Variants in PEX11B observed in about 807,000 individuals in gnomAD.
PEX11B encodes peroxisomal biogenesis factor 11 beta.
In PEX11B, 18 loss-of-function variants were observed where a neutral mutation model predicts 28.2. That is an observed-to-expected ratio of 0.64 (90% CI 0.44 to 0.95). The LOEUF is 0.95. PEX11B is among the 40% of genes least tolerant of loss of function. The pLI, the probability that PEX11B is intolerant of heterozygous loss-of-function variation, is 0.00. For synonymous variants in PEX11B, 128 were observed against 128.7 expected (o/e 0.99, Z 0.04); for missense variants, 305 against 319.8 (o/e 0.95, Z 0.35).
chr1:145,918,469 C>T, intron 1 of PEX11B, 164 bp downstream of exon 1: 3 of 1,536,488 alleles, frequency 2.0e-6, no homozygotes, highest in Non-Finnish European at 2.6e-6. Context: ...GGAAAGGAAT[C>T]ATCTCAACAG....
Position 145,911,717 on chromosome 1 carries a change from A to T in PEX11B, c.*444T>A, listed in dbSNP as rs1553753068. On this transcript the variant is annotated 3_prime_UTR_variant, in exon 4 of 4. Coordinates refer to ENST00000369306, the MANE Select transcript of PEX11B (RefSeq NM_003846.3). ...TATGTTTGGAGTTTGAAGGAGGAAA[A>T]ATCTGCCATAAGCCACCTCTGTGAG... The T allele has an allele frequency of 6.5e-6, 1 of 154,946 alleles. No individual in the cohort carries two copies. Among genetic ancestry groups the T allele is most frequent in the Non-Finnish European group, 1.4e-5 (1 of 69,018 alleles). The allele number at this position is 154,946 out of a possible 1,614,324, so 9.6% of individuals were successfully genotyped here. A position where few individuals can be genotyped will look rare whatever the true frequency, so the allele number is the denominator to read the frequency against.
Position 145,915,204 on chromosome 1 carries a change from G to A in PEX11B, c.374+1613C>T, listed in dbSNP as rs141849239. Reference sequence around the variant, plus strand: ...CAGGCATGAGCCACCGCACCTGGCCGGCCTTGTTTATCTTTAACCACTGTA... The same window carrying A: ...CAGGCATGAGCCACCGCACCTGGCCAGCCTTGTTTATCTTTAACCACTGTA... On this transcript the variant is annotated intron_variant, in intron 3 of 3. Coordinates refer to ENST00000369306, the MANE Select transcript of PEX11B (RefSeq NM_003846.3). Among the ~76,000 whole-genome samples, 483 of 152,148 alleles carry A rather than the reference G, an allele frequency of 3.2e-3. 2 individuals are homozygous for A. Among genetic ancestry groups the A allele is most frequent in the South Asian group, 0.015 (70 of 4,816 alleles).
Position 145,916,901 on chromosome 1 carries a change from A to G in PEX11B, c.290T>C (p.Phe97Ser). Residue 97 changes from phenylalanine to serine, a missense_variant, in exon 3 of 4, where the codon TTC becomes TCC. By Grantham distance (155) the Phe-to-Ser change is radical. Coordinates refer to ENST00000369306, the MANE Select transcript of PEX11B (RefSeq NM_003846.3). ...TVSHLNRALY[F>S]ACDNVLWAGK... ...AGCCCACAGGACATTGTCACAGGCG[A>G]AGTACAAGGCTCGATTGAGGTGACT... The G allele has an allele frequency of 1.2e-6, 2 of 1,614,080 alleles. No homozygotes were observed. The highest frequency in any genetic ancestry group is 1.7e-6 in the Non-Finnish European group (2 of 1,179,934).
In PEX11B at chr1:145,912,417, C is replaced by T; in HGVS notation, c.524G>A (p.Gly175Glu). The T allele has an allele frequency of 6.3e-7, 1 of 1,579,564 alleles. No homozygotes were observed. The highest frequency in any genetic ancestry group is 8.6e-7 in the Non-Finnish European group (1 of 1,162,044). The change falls in exon 4 of 4, where the codon GGA (glycine) becomes GAA (glutamate). Residue 175 changes from glycine (G) to glutamate (E), a missense_variant. Gly to Glu is a moderately conservative substitution (Grantham distance 98). Coordinates refer to ENST00000369306, the MANE Select transcript of PEX11B (RefSeq NM_003846.3). ...PGGSETGGLGGPGTPGGGLPQ... is the reference protein window; with the variant it reads ...PGGSETGGLGEPGTPGGGLPQ... ...CAGACCTCCTCCTGGAGTCCCTGGT[C>T]CCCCAAGTCCCCCAGTTTCACTTCC...
chr1:145,918,404 A>G (rs1277146261), intron 1 of PEX11B: 2 of 1,535,970 alleles, frequency 1.3e-6, no homozygotes, highest in Non-Finnish European at 8.7e-7. Context: ...AGCAACCCTG[A>G]GCGGCCTCCC....
At chr1:145,916,786 A>C (rs782120859) in intron 3 of PEX11B, 31 bp downstream of exon 3, 2 of 1,547,316 alleles carry the variant, frequency 1.3e-6, no homozygotes, top group South Asian at 2.2e-5. Flanking sequence ...GGCTACAAAA[A>C]AAAATCTTAA....
chr1:145,918,342 C>A, intron 1 of PEX11B: 1 of 1,519,918 alleles, frequency 6.6e-7, no homozygotes, highest in Non-Finnish European at 8.8e-7. Flanking sequence ...GGGGCGAATG[C>A]TCCTCATTCC....
intron 2 of PEX11B, 66 bp downstream of exon 2, chr1:145,917,635 A>G: frequency 2.2e-6 from 2 of 904,826 alleles, no homozygotes; most frequent in Non-Finnish European, 3.7e-6. Context: ...GGAAGGAGGG[A>G]CAAAGGAAGG....
intron 1 of PEX11B, chr1:145,918,209 C>G (rs587742452): frequency 1.3e-4 from 132 of 985,428 alleles, no homozygotes; most frequent in Non-Finnish European, 1.5e-4. Context: ...GGCCCTCTAG[C>G]TGAATGGAGA....
At chr1:145,917,420 G>C (rs1431172262) in intron 2 of PEX11B, among the ~76,000 whole-genome samples, 3 of 152,026 alleles carry the variant, frequency 2.0e-5, no homozygotes, top group African/African-American at 7.3e-5. Context: ...GAGAGACTCT[G>C]TCTCAAAAAA....
At position 145,911,501 on chromosome 1, in the gene PEX11B, G is replaced by A. The variant is rs1570929033; in HGVS notation, c.*660C>T. 2 of 158,700 alleles carry A rather than the reference G, an allele frequency of 1.3e-5. No homozygotes were observed. The highest frequency in any genetic ancestry group is 2.8e-5 in the Non-Finnish European group (2 of 70,400). 9.8% of individuals were successfully genotyped at this position (158,700 alleles called of 1,614,324 possible). On this transcript the variant is annotated 3_prime_UTR_variant, in exon 4 of 4. Coordinates refer to ENST00000369306, the MANE Select transcript of PEX11B (RefSeq NM_003846.3). ...TTCTGGATAAGCGACAAAGGAGTAA[G>A]AACAGACTGGGGAATAAAGCTCTGA...
chr1:145,913,646 A>G (rs182327215), intron 3 of PEX11B, among the ~76,000 whole-genome samples: 2 of 149,750 alleles, frequency 1.3e-5, no homozygotes, highest in Admixed American at 6.6e-5. Context: ...CTCTCTCTCA[A>G]CTTGACCTAT....
chr1:145,916,767 C>T lies in PEX11B; in HGVS notation c.374+50G>A, dbSNP rs781849600. 28 of 1,250,284 alleles carry T rather than the reference C, an allele frequency of 2.2e-5. 1 individual carries two copies. In the African/African-American group the frequency reaches 3.8e-4, roughly 17 times the overall value. 77.4% of individuals were successfully genotyped at this position (1,250,284 alleles called of 1,614,324 possible). ...TTTCCCTCATATAAGACAAGCTATG[C>T]AATATAGAGGCTACAAAAAAAAATC... On this transcript the variant is annotated intron_variant, in intron 3 of 3. Transcript: ENST00000369306.
In PEX11B at chr1:145,916,875, C is replaced by T; in HGVS notation, c.316G>A (p.Gly106Arg). 6.2e-7 allele frequency: 1 copy of T among 1,614,106 alleles called. No homozygotes were observed. Among genetic ancestry groups the T allele is most frequent in the Non-Finnish European group, 8.5e-7 (1 of 1,179,986 alleles). ...ACACGGGGAGCCAGTCCAGACTTTC[C>T]AGCCCACAGGACATTGTCACAGGCG... ...YFACDNVLWA[G>R]KSGLAPRVDQ... is the part of the protein sequence containing the mutation. Residue 106 changes from glycine (G) to arginine (R), a missense_variant, in exon 3 of 4, where the codon GGA becomes AGA. Physicochemically the swap from Gly to Arg is moderately radical, Grantham distance 125. Transcript: ENST00000369306.
In PEX11B at chr1:145,918,277, G is replaced by A. The variant is rs1553754258; in HGVS notation, c.56+356C>T. 4 of 985,354 alleles carry A rather than the reference G, an allele frequency of 4.1e-6. No homozygotes were observed. The African/African-American group carries it at 7.0e-5, about 17-fold the overall frequency. The allele number at this position is 985,354 out of a possible 1,614,324, so 61.0% of individuals were successfully genotyped here. ...GAATGGCAGCACGGTGTGGGGACAC[G>A]GAAACTGGGAGTGCCTCCTCAGCTC... On this transcript the variant is annotated intron_variant, in intron 1 of 3. Coordinates refer to ENST00000369306, the MANE Select transcript of PEX11B (RefSeq NM_003846.3).
At chr1:145,916,682 GTGATTGGAAGCCAAGTGAC>G in intron 3 of PEX11B, 116 bp downstream of exon 3, 1 of 643,150 alleles carries the variant, frequency 1.6e-6, no homozygotes, top group East Asian at 2.6e-5. Context: ...TAAGATCTAA[GTGATTGGAAGCCAAGTGAC>G]TGATCAAGAC....
Position 145,916,870 on chromosome 1 carries a change from C to G in PEX11B, c.321G>C (p.Lys107Asn), listed in dbSNP as rs1647400986. The G allele has an allele frequency of 1.9e-6, 3 of 1,614,024 alleles. No individual in the cohort carries two copies. The East Asian group carries it at 6.7e-5, about 36-fold the overall frequency. Residue 107 changes from lysine to asparagine, a missense_variant, in exon 3 of 4, where the codon AAG becomes AAC. Coordinates refer to ENST00000369306, the MANE Select transcript of PEX11B (RefSeq NM_003846.3). ...GATCCACACGGGGAGCCAGTCCAGA[C>G]TTTCCAGCCCACAGGACATTGTCAC... ...FACDNVLWAG[K>N]SGLAPRVDQE...
intron 3 of PEX11B, among the ~76,000 whole-genome samples, chr1:145,914,620 C>T (rs587616380): frequency 1.3e-5 from 2 of 152,228 alleles, no homozygotes; most frequent in African/African-American, 4.8e-5. Context: ...CTACCTATTC[C>T]CTCTACCTGG....
At chr1:145,918,255 T>C (rs962361862) in intron 1 of PEX11B, 3 of 985,410 alleles carry the variant, frequency 3.0e-6, no homozygotes, top group East Asian at 1.1e-4. Flanking sequence ...AGTTCCCGAA[T>C]GGCAGCACGG....
Sources: gnomAD v4.1 joint callset for allele counts (sites outside exome capture counted in the v4.1 genomes callset) on GRCh38, gnomAD v4.1.1 for gene constraint, MANE v1.5 for transcripts, NCBI Gene and HGNC (gene_info 2026-07-23, HGNC 2026-07-21) for gene names.